Variants in KCNG2 observed in about 807,000 individuals in gnomAD.
KCNG2 encodes potassium voltage-gated channel modifier subfamily G member 2.
Under a neutral mutation model 12.3 loss-of-function variants are expected in KCNG2, and 7 were observed. That is an observed-to-expected ratio of 0.57 (90% confidence interval 0.32 to 1.07). The LOEUF is 1.07. Ranked by LOEUF, KCNG2 falls within the 50% of genes least tolerant of loss-of-function variation. The pLI is 0.04. For synonymous variants in KCNG2, 414 were observed against 351.4 expected, an observed-to-expected ratio of 1.18 and a Z score of -1.99; for missense variants, 703 against 726.0, an observed-to-expected ratio of 0.97 and a Z score of 0.36.
intron 3 of KCNG2, among the ~76,000 whole-genome samples, chr18:79,888,688 C>A (rs1463050829): frequency 2.0e-5 from 3 of 152,122 alleles, no homozygotes; most frequent in Non-Finnish European, 4.4e-5. Context: ...CCTCTTCAGA[C>A]CTTTTGCCCA....
At chr18:79,877,404 C>T (rs554809746) in intron 3 of KCNG2, among the ~76,000 whole-genome samples, 1 of 152,132 alleles carries the variant, frequency 6.6e-6, no homozygotes, top group Non-Finnish European at 1.5e-5. Flanking sequence ...CCAGGAGATA[C>T]ACAGGCAGCA....
chr18:79,849,592 T>C (rs1048909772), intron 1 of KCNG2, among the ~76,000 whole-genome samples: 6 of 152,210 alleles, frequency 3.9e-5, no homozygotes, highest in African/African-American at 1.4e-4. Context: ...AGCGCGGCGG[T>C]AAAGACAACC....
intron 3 of KCNG2, among the ~76,000 whole-genome samples, chr18:79,870,499 G>A (rs1376779935): frequency 2.6e-5 from 4 of 152,272 alleles, no homozygotes; most frequent in Middle Eastern, 3.4e-3. Context: ...CTCCCTCTGC[G>A]CTGGGCGGCT....
At chr18:79,829,409 A>G (rs1046402523) in intron 1 of KCNG2, among the ~76,000 whole-genome samples, 2 of 152,076 alleles carry the variant, frequency 1.3e-5, no homozygotes, top group Non-Finnish European at 2.9e-5. Context: ...CTGTTGCATC[A>G]TTCATGGCCC....
chr18:79,857,591 G>A lies in KCNG2; in HGVS notation c.-41+1139G>A, dbSNP rs546467340. Among the ~76,000 whole-genome samples, 20 of 151,882 alleles carry A rather than the reference G, an allele frequency of 1.3e-4. No homozygotes were observed. The South Asian group carries it at 1.7e-3, about 13-fold the overall frequency. On this transcript the variant is annotated intron_variant, in intron 2 of 3. Coordinates refer to ENST00000316249, the MANE Select transcript of KCNG2 (RefSeq NM_012283.2). ...CCTCTTCTCTGGTTCCTGACTTGCC[G>A]TAGTGGTGGGTTTAAGCTTTACTTG...
chr18:79,843,781 G>A (rs184598952), intron 1 of KCNG2, among the ~76,000 whole-genome samples: 6 of 152,158 alleles, frequency 3.9e-5, no homozygotes, highest in African/African-American at 1.2e-4. Flanking sequence ...AAAAATTATC[G>A]CATCACAAAG....
At chr18:79,801,525 G>A (rs1482809369) in intron 1 of KCNG2, among the ~76,000 whole-genome samples, 4 of 152,220 alleles carry the variant, frequency 2.6e-5, no homozygotes, top group Non-Finnish European at 5.9e-5. Flanking sequence ...GGAGCCCTCC[G>A]AGGCAGTTCC....
intron 3 of KCNG2, among the ~76,000 whole-genome samples, chr18:79,887,792 C>G (rs191187070): frequency 6.6e-6 from 1 of 152,204 alleles, no homozygotes; most frequent in Admixed American, 6.5e-5. Context: ...GGGTGGCTCC[C>G]CCACTTTTCC....
In KCNG2 at chr18:79,797,978, T is replaced by C. The variant is rs1324342924; in HGVS notation, c.-151T>C. 7.5e-5 allele frequency among the ~76,000 whole-genome samples: 11 copies of C among 147,158 alleles called. No individual in the cohort carries two copies. The East Asian group carries it at 1.2e-3, about 17-fold the overall frequency. ...CGCCCCGAGGAGGCCGCCGGCCGGGTAAGCGGAGCCCGGAGCTCGCGGAGT... is the reference window on the plus strand; with the variant it reads ...CGCCCCGAGGAGGCCGCCGGCCGGGCAAGCGGAGCCCGGAGCTCGCGGAGT... On this transcript the variant is annotated 5_prime_UTR_variant, in exon 1 of 4. Coordinates refer to ENST00000316249, the MANE Select transcript of KCNG2 (RefSeq NM_012283.2).
At chr18:79,870,357 G>C (rs1340528872) in intron 3 of KCNG2, among the ~76,000 whole-genome samples, 1 of 152,202 alleles carries the variant, frequency 6.6e-6, no homozygotes, top group African/African-American at 2.4e-5. Flanking sequence ...GGGTCCCGTG[G>C]GCTCTCCATG....
At chr18:79,806,541 T>G (rs1162198349) in intron 1 of KCNG2, among the ~76,000 whole-genome samples, 1 of 152,210 alleles carries the variant, frequency 6.6e-6, no homozygotes, top group African/African-American at 2.4e-5. Flanking sequence ...TTCAGTTAAC[T>G]CCAGCCAGGC....
chr18:79,824,273 C>T (rs1180310137), intron 1 of KCNG2, among the ~76,000 whole-genome samples: 1 of 152,264 alleles, frequency 6.6e-6, no homozygotes, highest in African/African-American at 2.4e-5. Context: ...TGTGGGATTA[C>T]AGGCGTGAGC....
chr18:79,870,414 G>C (rs1319347222), intron 3 of KCNG2, among the ~76,000 whole-genome samples: 1 of 152,126 alleles, frequency 6.6e-6, no homozygotes, highest in Admixed American at 6.5e-5. Flanking sequence ...ATGTGGCCTG[G>C]TGACGCCCAC....
intron 3 of KCNG2, among the ~76,000 whole-genome samples, chr18:79,867,904 A>G (rs998261044): frequency 1.3e-5 from 2 of 152,130 alleles, no homozygotes; most frequent in African/African-American, 4.8e-5. Context: ...TGAAGGGCAC[A>G]GCAAGAAGCT....
rs779692562 is a variant in KCNG2 at position 79,899,340 on chromosome 18, C to T, written c.925C>T (p.Arg309Cys). 6.4e-6 allele frequency: 10 copies of T among 1,551,986 alleles called. No homozygotes were observed. Among genetic ancestry groups the T allele is most frequent in the Admixed American group, 1.9e-5 (1 of 51,494 alleles). ...CCTGGCGCGCCACTCGCTGGGGCTGCGTTCGCTGGGCCTGACCATGCGCCG... is the reference window on the plus strand; with the variant it reads ...CCTGGCGCGCCACTCGCTGGGGCTGTGTTCGCTGGGCCTGACCATGCGCCG... ...MRLARHSLGLRSLGLTMRRCA... is the reference protein window; with the variant it reads ...MRLARHSLGLCSLGLTMRRCA... The change falls in exon 4 of 4, where the codon CGT (arginine) becomes TGT (cysteine). Residue 309 changes from arginine to cysteine, a missense_variant. Physicochemically the swap from Arg to Cys is radical, Grantham distance 180. Transcript: ENST00000316249.
chr18:79,826,067 G>A (rs908542007), intron 1 of KCNG2, among the ~76,000 whole-genome samples: 16 of 152,382 alleles, frequency 1.0e-4, no homozygotes, highest in African/African-American at 3.6e-4. Flanking sequence ...CGGGGCCTGT[G>A]CCCTGCCGGC....
chr18:79,876,926 G>T (rs1337602188), intron 3 of KCNG2, among the ~76,000 whole-genome samples: 1 of 152,232 alleles, frequency 6.6e-6, no homozygotes, highest in South Asian at 2.1e-4. Context: ...ACAGAATGCC[G>T]AGGGGAAGCT....
chr18:79,889,183 G>A (rs774850553), intron 3 of KCNG2, among the ~76,000 whole-genome samples: 1 of 152,112 alleles, frequency 6.6e-6, no homozygotes, highest in African/African-American at 2.4e-5. Flanking sequence ...TCAATTTTTT[G>A]TGCTTTTGAT....
At chr18:79,874,578 A>G (rs1168867319) in intron 3 of KCNG2, among the ~76,000 whole-genome samples, 1 of 152,204 alleles carries the variant, frequency 6.6e-6, no homozygotes, top group East Asian at 1.9e-4. Context: ...CGGGGGGCCC[A>G]CCCCAGAATT....
Sources: allele counts gnomAD v4.1 joint callset (sites outside exome capture counted in the v4.1 genomes callset), GRCh38; gene constraint gnomAD v4.1.1; transcripts MANE v1.5; gene names NCBI Gene and HGNC (gene_info 2026-07-23, HGNC 2026-07-21).